Variants in KDM5B observed in about 807,000 individuals in gnomAD.
The protein encoded by KDM5B is lysine-specific demethylase 5B.
In KDM5B, 144 loss-of-function variants were observed where a neutral mutation model predicts 193.4. The observed-to-expected ratio is 0.74, with a 90% CI of 0.65 to 0.86. The LOEUF is 0.86. Among genes scored for constraint, KDM5B ranks in the 40% least tolerant of loss-of-function variants. The probability of loss-of-function intolerance (pLI) is 0.00; values close to 1 mark genes in which losing one functional copy is unlikely to be tolerated. For missense variants in KDM5B, 1,833 were observed against 1,886.9 expected, an observed-to-expected ratio of 0.97 and a Z score of 0.53; for synonymous variants, 668 against 682.6, an observed-to-expected ratio of 0.98 and a Z score of 0.33.
intron 1 of KDM5B, among the ~76,000 whole-genome samples, chr1:202,800,894 TAACAAAGC>T (rs1658045987): frequency 6.6e-6 from 1 of 152,188 alleles, no homozygotes; most frequent in Non-Finnish European, 1.5e-5. Flanking sequence ...AACAAATGTG[TAACAAAGC>T]AACAAAGCCA....
chr1:202,747,268 A>G (rs1222513298), intron 14 of KDM5B, among the ~76,000 whole-genome samples: 1 of 152,168 alleles, frequency 6.6e-6, no homozygotes, highest in African/African-American at 2.4e-5. Flanking sequence ...GGATGGAGAA[A>G]GTTAACATTT....
chr1:202,740,752 T>C lies in KDM5B; in HGVS notation c.3006A>G (p.Ala1002=), dbSNP rs376018304. The C allele has an allele frequency of 7.4e-6, 12 of 1,612,948 alleles. No individual in the cohort carries two copies. Among genetic ancestry groups the C allele is most frequent in the Non-Finnish European group, 1.0e-5 (12 of 1,179,988 alleles). The change falls in exon 20 of 27, where the codon GCA becomes GCG. Residue 1002 remains alanine, a synonymous_variant. Transcript: ENST00000367265. Reference sequence around the variant, plus strand: ...TCAGAGCCGCACCATTGGGCAGATATGCAGGGATCTCTTCGATTTCCTTTA... The same window carrying C: ...TCAGAGCCGCACCATTGGGCAGATACGCAGGGATCTCTTCGATTTCCTTTA... ...TAVKEIEEIP[A]YLPNGAALKD...
chr1:202,767,821 C>T (rs1046145798), intron 4 of KDM5B, among the ~76,000 whole-genome samples: 3 of 152,026 alleles, frequency 2.0e-5, no homozygotes, highest in East Asian at 1.9e-4. Flanking sequence ...TTTGTGCTTG[C>T]GACTGTCAGT....
At chr1:202,796,973 G>A (rs1349560594) in intron 1 of KDM5B, 5 of 152,314 alleles carry the variant, frequency 3.3e-5, no homozygotes. Flanking sequence ...GGCATCAGAG[G>A]GCTCTTTGCA....
chr1:202,794,913 G>C (rs1020859783), intron 1 of KDM5B, among the ~76,000 whole-genome samples: 1 of 152,108 alleles, frequency 6.6e-6, no homozygotes, highest in African/African-American at 2.4e-5. Flanking sequence ...ACAATACACT[G>C]TAATAAAAGT....
chr1:202,741,978 C>A (rs970961380), intron 18 of KDM5B, among the ~76,000 whole-genome samples: 1 of 150,768 alleles, frequency 6.6e-6, no homozygotes, highest in African/African-American at 2.4e-5. Context: ...TGGGTTCAAG[C>A]GATTCTCCTG....
chr1:202,801,275 A>G (rs2102347831), intron 1 of KDM5B, among the ~76,000 whole-genome samples: 1 of 152,290 alleles, frequency 6.6e-6, no homozygotes, highest in African/African-American at 2.4e-5. Context: ...CTTAAAAAAA[A>G]AAAGCAGCAG....
chr1:202,772,411 T>A (rs1247877930), intron 4 of KDM5B, among the ~76,000 whole-genome samples: 1 of 152,196 alleles, frequency 6.6e-6, no homozygotes, highest in Admixed American at 6.5e-5. Flanking sequence ...CCTTTTACCA[T>A]ATCAACATTC....
chr1:202,764,664 T>C (rs1164167135), intron 5 of KDM5B, among the ~76,000 whole-genome samples: 3 of 150,888 alleles, frequency 2.0e-5, no homozygotes, highest in Non-Finnish European at 3.0e-5. Flanking sequence ...AAAAAACAAA[T>C]AGGGAAAAGT....
Position 202,741,506 on chromosome 1 carries a change from C to G in KDM5B, c.2806G>C (p.Asp936His). ...ACLDPSSLTL[D>H]DMRRLIDLGV... is the part of the protein sequence containing the mutation. ...AGGTCTATGAGACGTCTCATATCATCTAAAGTAAGGGAGCTGGGGTCTAGG... is the reference window on the plus strand; with the variant it reads ...AGGTCTATGAGACGTCTCATATCATGTAAAGTAAGGGAGCTGGGGTCTAGG... Residue 936 changes from aspartate (D) to histidine (H), a missense_variant, in exon 19 of 27, where the codon GAT becomes CAT. This residue lies in a region of KDM5B where 1,379 missense variants were observed against 1,349.6 expected (regional missense o/e 1.02). Transcript: ENST00000367265. 6.2e-7 allele frequency: 1 copy of G among 1,614,238 alleles called. No homozygotes were observed. Among genetic ancestry groups the G allele is most frequent in the Non-Finnish European group, 8.5e-7 (1 of 1,180,042 alleles).
intron 20 of KDM5B, among the ~76,000 whole-genome samples, chr1:202,738,785 T>G (rs1326019863): frequency 6.6e-6 from 1 of 152,194 alleles, no homozygotes; most frequent in Non-Finnish European, 1.5e-5. Flanking sequence ...TCAAATTAAG[T>G]CATTCAGCCA....
Position 202,808,061 on chromosome 1 carries a change from C to A in KDM5B, c.204+41G>T, listed in dbSNP as rs769134984. On this transcript the variant is annotated intron_variant, in intron 1 of 26. Coordinates refer to ENST00000367265, the MANE Select transcript of KDM5B (RefSeq NM_006618.5). ...CGGACCCGCGCGTCCCCGCTCCCTC[C>A]CCCAGCCACGAGCTGGATCCGGGGT... The A allele has an allele frequency of 3.1e-6, 5 of 1,595,528 alleles. No individual in the cohort carries two copies. The African/African-American group carries it at 5.5e-5, about 17-fold the overall frequency.
At chr1:202,742,901 T>A in intron 16 of KDM5B, 96 bp from the exon 17 acceptor site, 1 of 1,001,834 alleles carries the variant, frequency 1.0e-6, no homozygotes, top group Non-Finnish European at 1.5e-6. Flanking sequence ...AGTTCTTGTC[T>A]AGAAATGTAA....
intron 1 of KDM5B, among the ~76,000 whole-genome samples, chr1:202,805,210 C>T (rs1658242987): frequency 6.6e-6 from 1 of 152,110 alleles, no homozygotes; most frequent in African/African-American, 2.4e-5. Flanking sequence ...GAAAACAAGC[C>T]TGGTTATCCT....
In KDM5B at chr1:202,740,795, T is replaced by G; in HGVS notation, c.2963A>C (p.Asn988Thr). 1 of 1,611,764 alleles carries G rather than the reference T, an allele frequency of 6.2e-7. No individual in the cohort carries two copies. The highest frequency in any genetic ancestry group is 8.5e-7 in the Non-Finnish European group (1 of 1,179,198). Residue 988 changes from asparagine to threonine, a missense_variant, in exon 20 of 27, where the codon AAT (asparagine) becomes ACT (threonine). Transcript: ENST00000367265. Reference protein sequence around the residue: ...LLKARPRHSLNSLATAVKEIE... With the variant: ...LLKARPRHSLTSLATAVKEIE... ...TTCCTTTACTGCCGTAGCAAGGCTA[T>G]TCAATGAATGTCGTGGCCTACAAAA...
chr1:202,806,499 C>T (rs929377389), intron 1 of KDM5B: 1 of 152,222 alleles, frequency 6.6e-6, no homozygotes, highest in South Asian at 2.1e-4. Context: ...CCTTAAGCAG[C>T]AAGAATCAAC....
chr1:202,773,523 G>C (rs1656808653), intron 3 of KDM5B, among the ~76,000 whole-genome samples: 1 of 151,932 alleles, frequency 6.6e-6, no homozygotes. Flanking sequence ...TCCCCTCTAA[G>C]CTACTTTTCA....
chr1:202,732,656 T>C (rs1182106048), intron 23 of KDM5B, among the ~76,000 whole-genome samples: 1 of 151,250 alleles, frequency 6.6e-6, no homozygotes, highest in East Asian at 1.9e-4. Context: ...TTATCAACAA[T>C]TTAACTCATA....
chr1:202,788,314 T>C (rs1255301560), intron 1 of KDM5B, among the ~76,000 whole-genome samples: 3 of 152,218 alleles, frequency 2.0e-5, no homozygotes, highest in African/African-American at 7.2e-5. Context: ...AGAACTTGTA[T>C]TATAACTTTT....
Sources: allele counts gnomAD v4.1 joint callset (sites outside exome capture counted in the v4.1 genomes callset), GRCh38; gene constraint gnomAD v4.1.1; regional missense constraint gnomAD v4.1.1; transcripts MANE v1.5; gene names NCBI Gene and HGNC (gene_info 2026-07-23, HGNC 2026-07-21).